Variants in JAK2 observed in about 807,000 individuals in gnomAD.
JAK2 encodes Janus kinase 2, also known as tyrosine-protein kinase JAK2.
Under a neutral mutation model 139.3 loss-of-function variants are expected in JAK2, and 86 were observed. The ratio of observed to expected loss-of-function variants is 0.62; its 90% CI spans 0.52 to 0.74. The LOEUF (loss-of-function observed/expected upper bound fraction) is 0.74. JAK2 is among the 30% of genes least tolerant of loss of function. JAK2 has a pLI of 0.00. For missense variants in JAK2, 1,421 were observed against 1,360.3 expected (o/e 1.04, Z -0.70); for synonymous variants, 490 against 437.7 (o/e 1.12, Z -1.49).
At chr9:5,111,879 C>CA (rs1822593640) in intron 22 of JAK2, 1 of 374,994 alleles carries the variant, frequency 2.7e-6, no homozygotes, top group South Asian at 2.0e-5. Flanking sequence ...GGACCACAGC[C>CA]AGCAGCTCTG....
At chr9:5,077,616 T>A (rs773344966) in intron 15 of JAK2, 36 bp downstream of exon 15, 1 of 1,334,742 alleles carries the variant, frequency 7.5e-7, no homozygotes, top group South Asian at 1.7e-5. Context: ...AAGATACTAT[T>A]TTATTTTATA....
intron 22 of JAK2, among the ~76,000 whole-genome samples, chr9:5,105,373 C>G (rs117429320): frequency 0.013 from 2,007 of 152,276 alleles, 8 homozygotes; most frequent in Non-Finnish European, 0.022. Context: ...CTCTGGACCT[C>G]TTCAAGGAAA....
intron 19 of JAK2, among the ~76,000 whole-genome samples, chr9:5,087,777 C>G (rs1339249057): frequency 7.1e-6 from 1 of 141,246 alleles, no homozygotes; most frequent in Non-Finnish European, 1.5e-5. Flanking sequence ...TTGAAATGTT[C>G]TTATCTTTTG....
rs1432802028 is a variant in JAK2, at chr9:5,080,551, G to C, written c.2302G>C (p.Asp768His). The C allele has an allele frequency of 6.3e-7, 1 of 1,593,344 alleles. No individual in the cohort carries two copies. The highest frequency in any genetic ancestry group is 1.2e-5 in the South Asian group (1 of 85,730). ...ATTATAGAAGCTACAATTTTATGAA[G>C]ATAGGCATCAGCTTCCTGCACCAAA... Reference protein sequence around the residue: ...DSQRKLQFYEDRHQLPAPKWA... With the variant: ...DSQRKLQFYEHRHQLPAPKWA... Residue 768 changes from aspartate to histidine, a missense_variant, in exon 18 of 25, where the codon GAT becomes CAT. Physicochemically the swap from Asp to His is moderately conservative, Grantham distance 81. Transcript: ENST00000381652.
intron 22 of JAK2, among the ~76,000 whole-genome samples, chr9:5,121,686 C>T (rs1823625839): frequency 6.6e-6 from 1 of 152,076 alleles, no homozygotes; most frequent in Non-Finnish European, 1.5e-5. Context: ...TTCAAAAAGA[C>T]AAAGAATTTA....
intron 22 of JAK2, among the ~76,000 whole-genome samples, chr9:5,115,224 A>C (rs1283116586): frequency 6.6e-6 from 1 of 152,178 alleles, no homozygotes; most frequent in Admixed American, 6.5e-5. Context: ...ACAAGAAAAA[A>C]ACAACCCCAT....
At chr9:5,071,677 GA>G (rs1818958424) in intron 12 of JAK2, among the ~76,000 whole-genome samples, 1 of 152,152 alleles carries the variant, frequency 6.6e-6, no homozygotes, top group Non-Finnish European at 1.5e-5. Context: ...AAGGCAAAAT[GA>G]GAAAGACCCA....
At chr9:5,119,506 A>C (rs994518336) in intron 22 of JAK2, among the ~76,000 whole-genome samples, 1 of 152,124 alleles carries the variant, frequency 6.6e-6, no homozygotes, top group Non-Finnish European at 1.5e-5. Flanking sequence ...TCATGAGGGC[A>C]GTCAGGATAA....
intron 22 of JAK2, among the ~76,000 whole-genome samples, chr9:5,106,791 G>C (rs192835073): frequency 5.3e-5 from 8 of 152,230 alleles, no homozygotes; most frequent in Non-Finnish European, 5.9e-5. Context: ...CAGCAAACTA[G>C]CGCAAGGACA....
chr9:5,003,765 C>T (rs779325894), intron 2 of JAK2, among the ~76,000 whole-genome samples: 1 of 152,044 alleles, frequency 6.6e-6, no homozygotes, highest in Non-Finnish European at 1.5e-5. Flanking sequence ...TGATTTTAGA[C>T]ATGATTGTTA....
At chr9:5,026,164 T>A (rs1027451749) in intron 3 of JAK2, among the ~76,000 whole-genome samples, 2 of 152,200 alleles carry the variant, frequency 1.3e-5, no homozygotes, top group Admixed American at 1.3e-4. Flanking sequence ...GATACTTAGA[T>A]CATTTGCTCT....
intron 22 of JAK2, among the ~76,000 whole-genome samples, chr9:5,118,470 A>C (rs559442363): frequency 6.6e-6 from 1 of 152,342 alleles, no homozygotes; most frequent in South Asian, 2.1e-4. Flanking sequence ...TTATCATTGA[A>C]GTTACTAGGA....
intron 3 of JAK2, among the ~76,000 whole-genome samples, chr9:5,028,310 C>G (rs1384561748): frequency 1.3e-5 from 2 of 152,126 alleles, no homozygotes; most frequent in Non-Finnish European, 2.9e-5. Flanking sequence ...ATCTTTTTTT[C>G]TGAGCTTTAG....
intron 2 of JAK2, among the ~76,000 whole-genome samples, chr9:5,019,195 T>C (rs912296858): frequency 6.6e-6 from 1 of 152,210 alleles, no homozygotes; most frequent in African/African-American, 2.4e-5. Context: ...AAAATTCTAA[T>C]ATTAGTTTGC....
At chr9:5,099,961 C>G (rs967689476) in intron 22 of JAK2, 3 of 152,178 alleles carry the variant, frequency 2.0e-5, no homozygotes, top group Non-Finnish European at 4.4e-5. Context: ...CACACCTATG[C>G]CACTTATCCC....
At chr9:5,085,029 TG>T in intron 19 of JAK2, 2 of 818,750 alleles carry the variant, frequency 2.4e-6, no homozygotes, top group Non-Finnish European at 4.0e-6. Context: ...TTCTGAAAGT[TG>T]AATGAGGGCG....
intron 19 of JAK2, among the ~76,000 whole-genome samples, chr9:5,087,134 C>T (rs1820185498): frequency 6.6e-6 from 1 of 152,192 alleles, no homozygotes; most frequent in African/African-American, 2.4e-5. Context: ...AGTCTGTTCT[C>T]ACGCTGCAAA....
At chr9:5,117,010 G>A (rs1823244781) in intron 22 of JAK2, among the ~76,000 whole-genome samples, 1 of 152,232 alleles carries the variant, frequency 6.6e-6, no homozygotes, top group East Asian at 1.9e-4. Context: ...TGGGATTAAG[G>A]CCCTTATAAG....
chr9:5,096,273 G>C (rs1820978365), intron 22 of JAK2, among the ~76,000 whole-genome samples: 1 of 151,944 alleles, frequency 6.6e-6, no homozygotes, highest in Non-Finnish European at 1.5e-5. Flanking sequence ...AGAAATTTAG[G>C]TTAAATAAGA....
Sources: allele counts gnomAD v4.1 joint callset (sites outside exome capture counted in the v4.1 genomes callset), GRCh38; gene constraint gnomAD v4.1.1; transcripts MANE v1.5; gene names NCBI Gene and HGNC (gene_info 2026-07-23, HGNC 2026-07-21).